FBXL7: variants seen among roughly 807,000 people sequenced by gnomAD.
The protein encoded by FBXL7 is F-box/LRR-repeat protein 7.
In FBXL7, 12 loss-of-function variants were observed where a neutral mutation model predicts 38.3. The ratio of observed to expected loss-of-function variants is 0.31; its 90% CI spans 0.20 to 0.51. The LOEUF is 0.51. Among genes scored for constraint, FBXL7 ranks in the 20% least tolerant of loss-of-function variants. The pLI, the probability that FBXL7 is intolerant of heterozygous loss-of-function variation, is 0.98. For missense variants in FBXL7, 567 were observed against 676.4 expected (o/e 0.84, Z 1.79); for synonymous variants, 297 against 300.9 (o/e 0.99, Z 0.13).
chr5:15,656,073 T>C (rs983076085), intron 2 of FBXL7, among the ~76,000 whole-genome samples: 6 of 152,244 alleles, frequency 3.9e-5, no homozygotes, highest in African/African-American at 1.4e-4. Flanking sequence ...AAAACATTTC[T>C]TGGTTTATGT....
At chr5:15,513,260 A>ATT (rs939873522) in intron 1 of FBXL7, among the ~76,000 whole-genome samples, 1 of 150,196 alleles carries the variant, frequency 6.7e-6, no homozygotes, top group African/African-American at 2.4e-5. Flanking sequence ...CATTGTTTCT[A>ATT]TTTTTTTTTT....
chr5:15,548,909 G>A (rs750842483), intron 1 of FBXL7, among the ~76,000 whole-genome samples: 5 of 152,164 alleles, frequency 3.3e-5, no homozygotes, highest in Admixed American at 6.5e-5. Context: ...TGGTGGGCAC[G>A]GGGGTGACTG....
intron 2 of FBXL7, among the ~76,000 whole-genome samples, chr5:15,742,964 C>A (rs541858677): frequency 2.0e-5 from 3 of 152,278 alleles, no homozygotes; most frequent in Non-Finnish European, 4.4e-5. Context: ...CATGAGAACA[C>A]ACTCACATGG....
chr5:15,799,104 C>T (rs1737491586), intron 2 of FBXL7, among the ~76,000 whole-genome samples: 1 of 152,150 alleles, frequency 6.6e-6, no homozygotes, highest in Admixed American at 6.5e-5. Flanking sequence ...CAAGAGTGAA[C>T]AAGAGTTTTA....
At chr5:15,823,903 C>G (rs1223886473) in intron 2 of FBXL7, among the ~76,000 whole-genome samples, 1 of 152,024 alleles carries the variant, frequency 6.6e-6, no homozygotes, top group African/African-American at 2.4e-5. Flanking sequence ...TACAGTGTCC[C>G]GAAGTGAATG....
rs758947908 is a variant in FBXL7 at position 15,936,598 on chromosome 5, C to G, written c.888C>G (p.His296Gln). Residue 296 changes from histidine (H) to glutamine (Q), a missense_variant, in exon 4 of 4, where the codon CAC becomes CAG. Coordinates refer to ENST00000504595, the MANE Select transcript of FBXL7 (RefSeq NM_012304.5). This position sits in a 1 kb window ranked among gnomAD's most constrained non-coding sequence, Gnocchi z 6.0. ...EDEGLHTIAA[H>Q]CTQLTHLYLR... ...AAGGCCTGCACACCATCGCGGCGCA[C>G]TGCACGCAGCTCACCCACCTCTACC... 1.2e-6 allele frequency: 2 copies of G among 1,611,212 alleles called. No homozygotes were observed. Among genetic ancestry groups the G allele is most frequent in the Non-Finnish European group, 1.7e-6 (2 of 1,179,880 alleles).
chr5:15,666,332 G>A (rs1686326550), intron 2 of FBXL7, among the ~76,000 whole-genome samples: 2 of 152,066 alleles, frequency 1.3e-5, no homozygotes, highest in Non-Finnish European at 2.9e-5. Context: ...GCAATTCAGT[G>A]GTAGTAAATA....
chr5:15,864,260 C>T lies in FBXL7; in HGVS notation c.128-63630C>T, dbSNP rs375407270. On this transcript the variant is annotated intron_variant, in intron 2 of 3. Transcript: ENST00000504595. ...AAACTTTTTTTTCATTCTGAATTAC[C>T]CAGTCTAGGTATTCCTTTATAGCAA... Among the ~76,000 whole-genome samples the T allele has an allele frequency of 1.2e-4, 18 of 144,614 alleles. 1 individual carries two copies. Among genetic ancestry groups the T allele is most frequent in the African/African-American group, 3.6e-4 (14 of 38,638 alleles). 94.9% of individuals were successfully genotyped at this position (144,614 alleles called of 152,430 possible). A position where few individuals can be genotyped will look rare whatever the true frequency, so the allele number is the denominator to read the frequency against.
intron 2 of FBXL7, among the ~76,000 whole-genome samples, chr5:15,724,875 T>C (rs1579410013): frequency 6.6e-6 from 1 of 152,158 alleles, no homozygotes; most frequent in Non-Finnish European, 1.5e-5. Context: ...ATTTTCAGCT[T>C]TTGGGTCATA....
intron 1 of FBXL7, among the ~76,000 whole-genome samples, chr5:15,584,838 A>G (rs902294042): frequency 3.3e-5 from 5 of 152,208 alleles, no homozygotes; most frequent in African/African-American, 1.2e-4. Flanking sequence ...ACACTTCGGT[A>G]TGGCTGTAGA....
At chr5:15,735,705 C>T (rs535392078) in intron 2 of FBXL7, among the ~76,000 whole-genome samples, 26 of 152,086 alleles carry the variant, frequency 1.7e-4, no homozygotes, top group African/African-American at 2.7e-4. Context: ...AATGAATGTC[C>T]GGAGAGAAGG....
intron 1 of FBXL7, among the ~76,000 whole-genome samples, chr5:15,552,171 T>C (rs1738094420): frequency 6.6e-6 from 1 of 152,224 alleles, no homozygotes; most frequent in South Asian, 2.1e-4. Flanking sequence ...AGAGGAGTTT[T>C]GTCAGATATT....
chr5:15,664,874 GT>G (rs55666327), intron 2 of FBXL7, among the ~76,000 whole-genome samples: 142,056 of 145,094 alleles, frequency 0.98, 69,547 homozygotes, highest in Non-Finnish European at 0.99. Context: ...AATTTTTTCA[GT>G]TTTTTTTTTT....
At chr5:15,616,969 C>T (rs2126520586) in intron 2 of FBXL7, among the ~76,000 whole-genome samples, 1 of 152,290 alleles carries the variant, frequency 6.6e-6, no homozygotes, top group South Asian at 2.1e-4. Context: ...AAGCACACTT[C>T]CAGTTTTTTG....
At chr5:15,843,576 A>G (rs998217120) in intron 2 of FBXL7, among the ~76,000 whole-genome samples, 4 of 152,240 alleles carry the variant, frequency 2.6e-5, no homozygotes, top group Non-Finnish European at 5.9e-5. Context: ...AAGACGAATA[A>G]TAAATGTCCA....
intron 2 of FBXL7, among the ~76,000 whole-genome samples, chr5:15,724,969 A>G (rs1025969877): frequency 2.0e-5 from 3 of 152,180 alleles, no homozygotes; most frequent in Non-Finnish European, 2.9e-5. Context: ...CTGTGTTCCA[A>G]TAAAACATTA....
chr5:15,801,804 T>A (rs1737576617), intron 2 of FBXL7, among the ~76,000 whole-genome samples: 3 of 149,936 alleles, frequency 2.0e-5, no homozygotes, highest in African/African-American at 7.4e-5. Flanking sequence ...CCCCAAATAG[T>A]CCACAATAAT....
At chr5:15,926,443 TA>T (rs772934466) in intron 2 of FBXL7, among the ~76,000 whole-genome samples, 5 of 148,724 alleles carry the variant, frequency 3.4e-5, no homozygotes, top group Non-Finnish European at 7.4e-5. Context: ...ATACATTGGA[TA>T]TATATGGTAA....
rs772413248 is a variant in FBXL7, at chr5:15,707,571, A to C, written c.127+91499A>C. Among the ~76,000 whole-genome samples, 9 of 152,294 alleles carry C rather than the reference A, an allele frequency of 5.9e-5. No individual in the cohort carries two copies. The East Asian group carries it at 1.5e-3, about 26-fold the overall frequency. ...TGCATCTGCCAGGTTGAAGCCAGGA[A>C]CTTTGTGAGGAATAAGAAACTCAAA... On this transcript the variant is annotated intron_variant, in intron 2 of 3. Transcript: ENST00000504595.
Sources: allele counts gnomAD v4.1 joint callset (sites outside exome capture counted in the v4.1 genomes callset), GRCh38; gene constraint gnomAD v4.1.1; non-coding constraint Gnocchi (gnomAD v3.1); transcripts MANE v1.5; gene names NCBI Gene and HGNC (gene_info 2026-07-23, HGNC 2026-07-21).